Variants in IDE observed in about 807,000 individuals in gnomAD.
IDE encodes insulin degrading enzyme, also known as insulin-degrading enzyme.
Under a neutral mutation model 133.2 loss-of-function variants are expected in IDE, and 58 were observed. The ratio of observed to expected loss-of-function variants is 0.44; its 90% confidence interval spans 0.35 to 0.54. IDE has a LOEUF of 0.54. Among genes scored for constraint, IDE ranks in the 20% least tolerant of loss-of-function variants. The pLI is 0.00. For synonymous variants in IDE, 396 were observed against 421.3 expected (o/e 0.94, Z 0.73); for missense variants, 981 against 1,234.0 (o/e 0.79, Z 3.07).
chr10:92,489,686 T>A (rs1363447060), intron 12 of IDE, among the ~76,000 whole-genome samples: 2 of 152,334 alleles, frequency 1.3e-5, no homozygotes, highest in East Asian at 3.9e-4. Flanking sequence ...TTTCACACAC[T>A]GGAGGGCTTC....
At chr10:92,460,434 G>A (rs1845312672) in intron 22 of IDE, among the ~76,000 whole-genome samples, 1 of 152,140 alleles carries the variant, frequency 6.6e-6, no homozygotes, top group Non-Finnish European at 1.5e-5. Flanking sequence ...GTGGAGAACA[G>A]AGAGAAGAAA....
At chr10:92,457,979 G>A (rs1845119926) in intron 22 of IDE, among the ~76,000 whole-genome samples, 1 of 152,096 alleles carries the variant, frequency 6.6e-6, no homozygotes, top group Admixed American at 6.5e-5. Flanking sequence ...TCTTACTGGA[G>A]TAAAAAGTTT....
chr10:92,505,321 A>G (rs1221808247), intron 10 of IDE, among the ~76,000 whole-genome samples: 1 of 152,250 alleles, frequency 6.6e-6, no homozygotes, highest in Non-Finnish European at 1.5e-5. Flanking sequence ...GAAACAAATT[A>G]GACAAACATT....
chr10:92,463,779 C>T lies in IDE; in HGVS notation c.2713G>A (p.Ala905Thr). The T allele has an allele frequency of 6.2e-7, 1 of 1,614,142 alleles. No individual in the cohort carries two copies. Among genetic ancestry groups the T allele is most frequent in the Non-Finnish European group, 8.5e-7 (1 of 1,179,984 alleles). ...DKPKKLSAECAKYWGEIISQQ... is the reference protein window; with the variant it reads ...DKPKKLSAECTKYWGEIISQQ... ...GAGATGATTTCTCCCCAGTATTTAG[C>T]ACACTCAGCAGATAGCTTCTTTGGT... Residue 905 changes from alanine (A) to threonine (T), a missense_variant, in exon 21 of 25, where the codon GCT becomes ACT. Coordinates refer to ENST00000265986, the MANE Select transcript of IDE (RefSeq NM_004969.4).
intron 14 of IDE, chr10:92,480,856 A>G: frequency 5.4e-6 from 4 of 743,028 alleles, no homozygotes; most frequent in Non-Finnish European, 6.6e-6. Flanking sequence ...GGCTTCCCAA[A>G]ATGTTAGGAT....
chr10:92,525,675 ATTC>A (rs2135633664), intron 4 of IDE, among the ~76,000 whole-genome samples: 1 of 151,774 alleles, frequency 6.6e-6, no homozygotes, highest in African/African-American at 2.4e-5. Context: ...TGATAAATGA[ATTC>A]AGTAAAGTTG....
chr10:92,553,415 C>T (rs1842879751), intron 1 of IDE, among the ~76,000 whole-genome samples: 1 of 147,818 alleles, frequency 6.8e-6, no homozygotes, highest in South Asian at 2.1e-4. Context: ...CAGAGTGAGA[C>T]TCTGTCTCAA....
chr10:92,534,668 T>C lies in IDE; in HGVS notation c.401A>G (p.His134Arg), dbSNP rs980312015. ...AGTAAAGGCATTTGAACTTCCTGCA[T>C]GCTCACTGAGAAACTGGCTGTATTC... Reference protein sequence around the residue: ...ENEYSQFLSEHAGSSNAFTSG... With the variant: ...ENEYSQFLSERAGSSNAFTSG... The change falls in exon 3 of 25, where the codon CAT becomes CGT. Residue 134 changes from histidine to arginine, a missense_variant. Around this residue, in one of 2 missense-constraint regions of IDE, gnomAD observed 321 missense variants for 339.3 expected, o/e 0.95. Coordinates refer to ENST00000265986, the MANE Select transcript of IDE (RefSeq NM_004969.4). 6 of 1,613,698 alleles carry C rather than the reference T, an allele frequency of 3.7e-6. No homozygotes were observed. Among genetic ancestry groups the C allele is most frequent in the Non-Finnish European group, 5.1e-6 (6 of 1,179,750 alleles).
intron 1 of IDE, among the ~76,000 whole-genome samples, chr10:92,554,535 AAC>A (rs1292765370): frequency 8.0e-6 from 1 of 125,574 alleles, no homozygotes; most frequent in African/African-American, 3.1e-5. Flanking sequence ...ACAAGAATGC[AAC>A]AGTGTCTTAA....
chr10:92,473,701 C>A (rs1219553793), intron 17 of IDE, among the ~76,000 whole-genome samples: 1 of 152,000 alleles, frequency 6.6e-6, no homozygotes, highest in African/African-American at 2.4e-5. Context: ...TCAATATTGG[C>A]CGGTCGCGGT....
intron 1 of IDE, among the ~76,000 whole-genome samples, chr10:92,556,029 G>A (rs1033703778): frequency 3.4e-4 from 52 of 151,266 alleles, no homozygotes; most frequent in African/African-American, 1.2e-3. Context: ...AAAAATTAGC[G>A]GGGCGCGGTG....
At chr10:92,459,708 A>C (rs1368134668) in intron 22 of IDE, among the ~76,000 whole-genome samples, 1 of 152,116 alleles carries the variant, frequency 6.6e-6, no homozygotes, top group Non-Finnish European at 1.5e-5. Context: ...TTGCAGCACA[A>C]ATTTTGAGTT....
At chr10:92,538,872 G>A (rs1276218674) in intron 1 of IDE, among the ~76,000 whole-genome samples, 2 of 151,412 alleles carry the variant, frequency 1.3e-5, no homozygotes, top group Non-Finnish European at 2.9e-5. Context: ...TGGAACTACA[G>A]AGGAAAAATA....
At chr10:92,461,758 G>A (rs1453918341) in intron 21 of IDE, among the ~76,000 whole-genome samples, 4 of 151,512 alleles carry the variant, frequency 2.6e-5, no homozygotes, top group South Asian at 2.1e-4. Context: ...TCTGCCTCCC[G>A]GGTTCATGCC....
At chr10:92,527,613 A>G (rs903840258) in intron 4 of IDE, among the ~76,000 whole-genome samples, 3 of 152,210 alleles carry the variant, frequency 2.0e-5, no homozygotes, top group Non-Finnish European at 4.4e-5. Context: ...TATCCATTAC[A>G]TATTTCTTGC....
intron 9 of IDE, 54 bp from the exon 10 acceptor site, chr10:92,506,576 T>A: frequency 1.3e-6 from 1 of 797,820 alleles, no homozygotes; most frequent in Non-Finnish European, 2.1e-6. Context: ...TAGAAACCTT[T>A]TTTTTTTTTT....
intron 1 of IDE, among the ~76,000 whole-genome samples, chr10:92,571,117 T>C (rs1843765417): frequency 6.6e-6 from 1 of 151,838 alleles, no homozygotes; most frequent in Non-Finnish European, 1.5e-5. Context: ...GTTCAAGCGA[T>C]TCTCCTGCCT....
intron 1 of IDE, among the ~76,000 whole-genome samples, chr10:92,556,168 A>C (rs1842994654): frequency 8.7e-6 from 1 of 114,888 alleles, no homozygotes; most frequent in African/African-American, 3.3e-5. Flanking sequence ...TGACAGAGCG[A>C]GACTCCGTCT....
chr10:92,487,519 A>T (rs1474219928), intron 12 of IDE, among the ~76,000 whole-genome samples: 1 of 152,190 alleles, frequency 6.6e-6, no homozygotes, highest in Non-Finnish European at 1.5e-5. Flanking sequence ...ACTAGCAAAG[A>T]TTTTGCACTC....
Sources: allele counts gnomAD v4.1 joint callset (sites outside exome capture counted in the v4.1 genomes callset), GRCh38; gene constraint gnomAD v4.1.1; regional missense constraint gnomAD v4.1.1; transcripts MANE v1.5; gene names NCBI Gene and HGNC (gene_info 2026-07-23, HGNC 2026-07-21).